The following TLE5 variants were observed in gnomAD, a reference collection of about 807,000 sequenced individuals.
TLE5 encodes the protein TLE family member 5, transcriptional modulator.
TLE5 carries 7 observed loss-of-function variants against 25.8 expected under a neutral mutation model. The observed-to-expected ratio is 0.27, with a 90% confidence interval of 0.15 to 0.51. TLE5 has a LOEUF of 0.51. Among genes scored for constraint, TLE5 ranks in the 20% least tolerant of loss-of-function variants. TLE5 has a pLI of 0.97. For synonymous variants in TLE5, 132 were observed against 110.5 expected (o/e 1.20, Z -1.22); for missense variants, 149 against 250.7 (o/e 0.59, Z 2.74).
Position 3,053,697 on chromosome 19 carries a change from T to G in TLE5, c.*122A>C. ...CTGGGGCCCCCGCCGGCGGCCACCA[T>G]AAATACTATGGGAGTTTAGCCAATC... On this transcript the variant is annotated 3_prime_UTR_variant, in exon 7 of 7. Coordinates refer to ENST00000327141, the MANE Select transcript of TLE5 (RefSeq NM_001130.6). 2 of 1,188,064 alleles carry G rather than the reference T, an allele frequency of 1.7e-6. No homozygotes were observed. Among genetic ancestry groups the G allele is most frequent in the Non-Finnish European group, 2.3e-6 (2 of 861,014 alleles). The allele number at this position is 1,188,064 out of a possible 1,614,324, so 73.6% of individuals were successfully genotyped here. A position where few individuals can be genotyped will look rare whatever the true frequency, so the allele number is the denominator to read the frequency against.
chr19:3,055,880 C>CG, intron 4 of TLE5, 154 bp from the exon 5 acceptor site: 2 of 751,988 alleles, frequency 2.7e-6, no homozygotes, highest in Admixed American at 6.1e-5. Flanking sequence ...AAGCCGTGTT[C>CG]GGGCCCGAGG....
chr19:3,053,918 C>T lies in TLE5; in HGVS notation c.495G>A (p.Ser165=), dbSNP rs766279717. 1.5e-5 allele frequency: 24 copies of T among 1,612,840 alleles called. No individual in the cohort carries two copies. Among genetic ancestry groups the T allele is most frequent in the South Asian group, 3.3e-5 (3 of 91,086 alleles). The change falls in exon 7 of 7, where the codon TCG becomes TCA. Residue 165 remains serine, a synonymous_variant. Coordinates refer to ENST00000327141, the MANE Select transcript of TLE5 (RefSeq NM_001130.6). ...PAVSAGTGLL[S]LSALGSQAHL... is the part of the protein sequence containing the mutation. ...GGGCCTGGGAACCCAGCGCGGACAG[C>T]GAGAGGAGGCCGGTGCCTGCGCTGA...
intron 5 of TLE5, 60 bp from the exon 6 acceptor site, chr19:3,054,254 G>T (rs543552898): frequency 4.5e-6 from 7 of 1,542,352 alleles, no homozygotes; most frequent in South Asian, 1.2e-5. Flanking sequence ...GGAGAGGAGA[G>T]GGGGACGGCC....
chr19:3,056,878 A>T (rs899026984), intron 3 of TLE5: 2 of 205,218 alleles, frequency 9.7e-6, no homozygotes, highest in African/African-American at 4.8e-5. Flanking sequence ...CCCTGGGGGA[A>T]AACCAAGTTC....
Position 3,062,254 on chromosome 19 carries a change from G to A in TLE5, c.-54C>T, listed in dbSNP as rs2096243371. On this transcript the variant is annotated 5_prime_UTR_variant, in exon 1 of 7. Coordinates refer to ENST00000327141, the MANE Select transcript of TLE5 (RefSeq NM_001130.6). ...GCCCCGGCTGTGCGCCCCGGCTCGG[G>A]CTGCTGGGGGCGCCGGGCGGCCGCG... is the stretch of plus-strand genomic sequence containing the variant. 3 of 1,062,836 alleles carry A rather than the reference G, an allele frequency of 2.8e-6. No homozygotes were observed. Among genetic ancestry groups the A allele is most frequent in the Non-Finnish European group, 3.4e-6 (3 of 879,184 alleles). 65.8% of individuals were successfully genotyped at this position (1,062,836 alleles called of 1,614,324 possible).
At position 3,053,766 on chromosome 19, in the gene TLE5, T is replaced by C; in HGVS notation, c.*53A>G. On this transcript the variant is annotated 3_prime_UTR_variant, in exon 7 of 7. Coordinates refer to ENST00000327141, the MANE Select transcript of TLE5 (RefSeq NM_001130.6). ...TGTGCTAAACATTCCTTTCTCTCCG[T>C]GCCTCTGTCTCCCCTCTGTCCCCCC... The C allele has an allele frequency of 1.9e-6, 3 of 1,556,946 alleles. No individual in the cohort carries two copies. Among genetic ancestry groups the C allele is most frequent in the Non-Finnish European group, 2.6e-6 (3 of 1,137,114 alleles).
rs748335954 is a variant in TLE5 at position 3,056,655 on chromosome 19, C to T, written c.190-299G>A. The T allele has an allele frequency of 5.6e-4, 339 of 604,840 alleles. 1 individual carries two copies. Among genetic ancestry groups the T allele is most frequent in the Admixed American group, 1.1e-3 (49 of 45,500 alleles). The allele number at this position is 604,840 out of a possible 1,614,324, so 37.5% of individuals were successfully genotyped here. ...CTCCTCCCCCACTCCATGTGCACCG[C>T]GAGAACACGCATTCCAGGGCTCCTA... On this transcript the variant is annotated intron_variant, in intron 3 of 6. Coordinates refer to ENST00000327141, the MANE Select transcript of TLE5 (RefSeq NM_001130.6).
chr19:3,061,418 G>T, intron 1 of TLE5, 161 bp from the exon 2 acceptor site: 1 of 460,192 alleles, frequency 2.2e-6, no homozygotes, highest in Non-Finnish European at 3.8e-6. Flanking sequence ...CGCGCTTCCT[G>T]CCCCCCGCCT....
intron 1 of TLE5, among the ~76,000 whole-genome samples, chr19:3,061,886 T>TGA (rs1555697637): frequency 1.7e-5 from 1 of 60,424 alleles, no homozygotes; most frequent in Non-Finnish European, 3.2e-5. Context: ...CCCGGCGGGT[T>TGA]GGGGGGGGGG....
Position 3,053,023 on chromosome 19 carries a change from A to G in TLE5, c.*796T>C, listed in dbSNP as rs1488422038. The G allele has an allele frequency of 6.6e-6, 1 of 151,668 alleles. No individual in the cohort carries two copies. The highest frequency in any genetic ancestry group is 1.9e-4 in the East Asian group (1 of 5,170). 9.4% of individuals were successfully genotyped at this position (151,668 alleles called of 1,614,324 possible). On this transcript the variant is annotated 3_prime_UTR_variant, in exon 7 of 7. Coordinates refer to ENST00000327141, the MANE Select transcript of TLE5 (RefSeq NM_001130.6). The stretch of plus-strand genomic sequence containing the variant: ...TGAACACGAGATAAGCTGACTATAT[A>G]CAGACACAGGTGTGGGTGTTGCTTT...
intron 5 of TLE5, 42 bp downstream of exon 5, chr19:3,055,622 C>T (rs745406078): frequency 6.5e-6 from 10 of 1,548,610 alleles, no homozygotes; most frequent in African/African-American, 1.4e-5. Context: ...TGGGCAAGTG[C>T]GGGGCCCCCT....
At chr19:3,056,055 G>A (rs1016604058) in intron 4 of TLE5, 56 of 527,012 alleles carry the variant, frequency 1.1e-4, no homozygotes, top group Non-Finnish European at 1.6e-4. Context: ...GCTGGGGGCC[G>A]TAGGCTGTGG....
rs776094154 is a variant in TLE5, at chr19:3,061,216, C to T, written c.69G>A (p.Ser23=). Residue 23 remains serine (S), a synonymous_variant, in exon 2 of 7, where the codon TCG becomes TCA. Coordinates refer to ENST00000327141, the MANE Select transcript of TLE5 (RefSeq NM_001130.6). ...CGTCTTTGATGCGGTCGCAGGAGTC[C>T]GAGGTGGTGAATTTGAGTTGCTGGG... is the stretch of plus-strand genomic sequence containing the variant. The part of the protein sequence containing the change: ...HLPQQLKFTT[S]DSCDRIKDEF... 6 of 1,613,674 alleles carry T rather than the reference C, an allele frequency of 3.7e-6. No homozygotes were observed. Among genetic ancestry groups the T allele is most frequent in the South Asian group, 2.2e-5 (2 of 91,074 alleles).
At chr19:3,054,086 T>TGGGGGGGGGGGCCCC in intron 6 of TLE5, 34 bp downstream of exon 6, 10 of 1,512,716 alleles carry the variant, frequency 6.6e-6, no homozygotes, top group Non-Finnish European at 8.0e-6. Context: ...GGCCCACCTG[T>TGGGGGGGGGGGCCCC]CCCCCGCCCA....
Position 3,053,426 on chromosome 19 carries a change from G to A in TLE5, c.*393C>T. ...GGGCAGCTAGCATTGCGTGCATGCAGTACCAGGGTGAGAGGGCTGTGGCCC... is the reference window on the plus strand; with the variant it reads ...GGGCAGCTAGCATTGCGTGCATGCAATACCAGGGTGAGAGGGCTGTGGCCC... On this transcript the variant is annotated 3_prime_UTR_variant, in exon 7 of 7. Coordinates refer to ENST00000327141, the MANE Select transcript of TLE5 (RefSeq NM_001130.6). 1 of 239,086 alleles carries A rather than the reference G, an allele frequency of 4.2e-6. No individual in the cohort carries two copies. Among genetic ancestry groups the A allele is most frequent in the South Asian group, 6.6e-5 (1 of 15,240 alleles). The allele number at this position is 239,086 out of a possible 1,614,324, so 14.8% of individuals were successfully genotyped here.
At position 3,053,863 on chromosome 19, in the gene TLE5, C is replaced by T. The variant is rs751340520; in HGVS notation, c.550G>A (p.Asp184Asn). ...TCATCCTCCTGGTGGGTGTCACCAT[C>T]GTGCCCGTTCTTGTCTTCCTTGGAG... ...HLSKEDKNGH[D>N]GDTHQEDDGE... The change falls in exon 7 of 7, where the codon GAT (aspartate) becomes AAT (asparagine). Residue 184 changes from aspartate to asparagine, a missense_variant. Asp to Asn is a conservative substitution (Grantham distance 23). Transcript: ENST00000327141. The T allele has an allele frequency of 9.9e-6, 16 of 1,613,360 alleles. No individual in the cohort carries two copies. The highest frequency in any genetic ancestry group is 1.4e-5 in the Non-Finnish European group (16 of 1,180,010).
At chr19:3,054,086 T>TGGGGGGGGGGGCGC in intron 6 of TLE5, 34 bp downstream of exon 6, 1 of 1,512,812 alleles carries the variant, frequency 6.6e-7, no homozygotes, top group Non-Finnish European at 8.9e-7. Context: ...GGCCCACCTG[T>TGGGGGGGGGGGCGC]CCCCCGCCCA....
Position 3,056,299 on chromosome 19 carries a change from G to C in TLE5, c.234+13C>G. 6.6e-7 allele frequency: 1 copy of C among 1,515,282 alleles called. No homozygotes were observed. The highest frequency in any genetic ancestry group is 1.2e-5 in the South Asian group (1 of 80,322). 93.9% of individuals were successfully genotyped at this position (1,515,282 alleles called of 1,614,324 possible). On this transcript the variant is annotated intron_variant, in intron 4 of 6. Coordinates refer to ENST00000327141, the MANE Select transcript of TLE5 (RefSeq NM_001130.6). The stretch of plus-strand genomic sequence containing the variant: ...GGAGGAGGAGGAGGAGGAGGAGGAG[G>C]AGATGGGCGTACCTGTTTGTGCATC...
chr19:3,062,688 A>C (rs2145270081), upstream of TLE5: 1 of 1,442,096 alleles, frequency 6.9e-7, no homozygotes. Flanking sequence ...GGCCCCCGCC[A>C]CCCTCTCCTA....
Sources: gnomAD v4.1 joint callset for allele counts (sites outside exome capture counted in the v4.1 genomes callset) on GRCh38, gnomAD v4.1.1 for gene constraint, MANE v1.5 for transcripts, NCBI Gene and HGNC (gene_info 2026-07-23, HGNC 2026-07-21) for gene names.